Variants in LRRC9 observed in about 807,000 individuals in gnomAD.
LRRC9 encodes leucine-rich repeat-containing protein 9.
LRRC9 carries 122 observed loss-of-function variants against 63.2 expected under a neutral mutation model. The observed-to-expected ratio is 1.93, with a 90% CI of 1.67 to 2.24. The LOEUF is 2.24. Among genes scored for constraint, LRRC9 ranks in the 30% most tolerant of loss-of-function variants. LRRC9 has a pLI of 0.00. For synonymous variants in LRRC9, 366 were observed against 213.1 expected, an observed-to-expected ratio of 1.72 and a Z score of -6.25; for missense variants, 1,071 against 627.7, an observed-to-expected ratio of 1.71 and a Z score of -7.55.
intron 12 of LRRC9, among the ~76,000 whole-genome samples, chr14:59,972,950 A>G (rs1885688311): frequency 6.6e-6 from 1 of 152,070 alleles, no homozygotes; most frequent in Non-Finnish European, 1.5e-5. Flanking sequence ...TTATTATAAC[A>G]CATTTGTTTT....
At position 59,965,039 on chromosome 14, in the gene LRRC9, C is replaced by A. The variant is rs552782988; in HGVS notation, c.1212-1550C>A. On this transcript the variant is annotated intron_variant, in intron 10 of 31. Transcript: ENST00000445360. Reference sequence around the variant, plus strand: ...GACCTTAGCTCACACCCATTTCAGACCCTGGTTGATTATGTAGGTGAGGAC... The same window carrying A: ...GACCTTAGCTCACACCCATTTCAGAACCTGGTTGATTATGTAGGTGAGGAC... Among the ~76,000 whole-genome samples the A allele has an allele frequency of 1.7e-4, 26 of 152,296 alleles. 1 individual carries two copies. In the South Asian group the frequency reaches 4.6e-3, roughly 27 times the overall value.
intron 15 of LRRC9, 44 bp from the exon 16 acceptor site, chr14:59,981,804 A>C: frequency 1.5e-6 from 1 of 657,358 alleles, no homozygotes. Context: ...TCAAAATGAT[A>C]AATACAGCAA....
At chr14:60,021,691 A>G (rs781537276) in intron 26 of LRRC9, among the ~76,000 whole-genome samples, 8 of 151,812 alleles carry the variant, frequency 5.3e-5, no homozygotes, top group Non-Finnish European at 1.2e-4. Context: ...GTCTAAATCT[A>G]TTTTTGTATG....
At chr14:60,063,461 T>TA in exon 32 of LRRC9, 1 of 648,034 alleles carries the variant, frequency 1.5e-6, no homozygotes, top group Non-Finnish European at 2.7e-6. Context: ...AAAAAAAAGA[T>TA]AATCATGTTA....
rs1012539109 is a variant in LRRC9, at chr14:60,058,465, C to T, written c.4276+443C>T. On this transcript the variant is annotated intron_variant, in intron 31 of 31. Coordinates refer to ENST00000445360, the Ensembl canonical transcript of LRRC9. This position sits in a 1 kb window ranked among gnomAD's most constrained non-coding sequence, Gnocchi z 4.4. ...ATATTCTGCAGAGATATCTCACTTT[C>T]CCCTTGAAATCATAAGAAAATATTC... Among the ~76,000 whole-genome samples the T allele has an allele frequency of 6.6e-6, 1 of 152,064 alleles. No individual in the cohort carries two copies. Among genetic ancestry groups the T allele is most frequent in the African/African-American group, 2.4e-5 (1 of 41,382 alleles).
intron 23 of LRRC9, among the ~76,000 whole-genome samples, chr14:60,015,551 T>C (rs961920665): frequency 7.2e-5 from 11 of 152,178 alleles, no homozygotes; most frequent in African/African-American, 1.4e-4. Context: ...AGGCTAGAGT[T>C]GGAGTTCATG....
rs1386290844 is a variant in LRRC9, at chr14:59,966,377, G to C, written c.1212-212G>C. Among the ~76,000 whole-genome samples the C allele has an allele frequency of 2.0e-5, 3 of 152,186 alleles. No individual in the cohort carries two copies. The highest frequency in any genetic ancestry group is 7.2e-5 in the African/African-American group (3 of 41,444). On this transcript the variant is annotated intron_variant, in intron 10 of 31. Transcript: ENST00000445360. The surrounding 1 kb of genome is among the most constrained non-coding windows in gnomAD (Gnocchi z 4.0). ...TCCCTGAAGCTAAGAAAGTGTTTCA[G>C]AAAGTGAAGATTGCTCAACCAACCT...
intron 12 of LRRC9, among the ~76,000 whole-genome samples, chr14:59,969,700 C>T (rs1250516601): frequency 1.3e-5 from 2 of 152,126 alleles, no homozygotes; most frequent in African/African-American, 4.8e-5. Context: ...CTCTTTCTAT[C>T]AATTCAGGAT....
At chr14:59,977,186 A>C (rs981321997) in intron 13 of LRRC9, 39 bp from the exon 14 acceptor site, 3 of 649,638 alleles carry the variant, frequency 4.6e-6, no homozygotes, top group Non-Finnish European at 8.2e-6. Context: ...TATTAAAGTT[A>C]ATTATTCTTA....
intron 17 of LRRC9, among the ~76,000 whole-genome samples, chr14:59,996,088 C>T (rs553486614): frequency 6.6e-6 from 1 of 152,248 alleles, no homozygotes; most frequent in South Asian, 2.1e-4. Context: ...TGCTGGTCTA[C>T]AGGCAGGTGC....
intron 23 of LRRC9, among the ~76,000 whole-genome samples, chr14:60,016,420 C>T (rs1004792631): frequency 2.0e-5 from 3 of 151,996 alleles, no homozygotes; most frequent in Admixed American, 2.0e-4. Flanking sequence ...TGCCCAGCCT[C>T]ATCTTGAACT....
intron 15 of LRRC9, among the ~76,000 whole-genome samples, chr14:59,980,363 C>A (rs1484934684): frequency 6.6e-6 from 1 of 152,130 alleles, no homozygotes; most frequent in African/African-American, 2.4e-5. Flanking sequence ...AATTTTGGAT[C>A]ACTATCATAT....
Position 59,920,490 on chromosome 14 carries a change from A to C in LRRC9, c.-34+607A>C, listed in dbSNP as rs182177478. 3.9e-4 allele frequency among the ~76,000 whole-genome samples: 60 copies of C among 152,312 alleles called. 1 individual carries two copies. The highest frequency in any genetic ancestry group is 1.3e-3 in the African/African-American group (54 of 41,562). ...TACCAGAACAAAGTTCAAGAGAAGGAAAGGGAGGGTGGCCTACAGCCAACT... is the reference window on the plus strand; with the variant it reads ...TACCAGAACAAAGTTCAAGAGAAGGCAAGGGAGGGTGGCCTACAGCCAACT... On this transcript the variant is annotated intron_variant, in intron 1 of 31. Transcript: ENST00000445360.
intron 8 of LRRC9, among the ~76,000 whole-genome samples, chr14:59,957,981 C>T (rs1406798751): frequency 6.6e-6 from 1 of 152,222 alleles, no homozygotes; most frequent in East Asian, 1.9e-4. Context: ...AAGATTGCTG[C>T]CTGCTCCTTC....
chr14:60,063,601 T>C (rs907419878), downstream of LRRC9: 15 of 426,404 alleles, frequency 3.5e-5, no homozygotes. Flanking sequence ...TTCTATATCA[T>C]AAAAATCATC....
At chr14:59,926,870 A>G (rs889466367) in intron 1 of LRRC9, among the ~76,000 whole-genome samples, 1 of 152,170 alleles carries the variant, frequency 6.6e-6, no homozygotes, top group Non-Finnish European at 1.5e-5. Context: ...TCAGAGAAGC[A>G]CTATTTAACC....
chr14:59,989,179 G>A (rs542336835), intron 17 of LRRC9, among the ~76,000 whole-genome samples: 5 of 151,902 alleles, frequency 3.3e-5, no homozygotes, highest in African/African-American at 9.6e-5. Context: ...CTTCCAATAT[G>A]TAGTTTAAAA....
At chr14:59,969,994 C>T (rs1366251689) in intron 12 of LRRC9, among the ~76,000 whole-genome samples, 2 of 152,062 alleles carry the variant, frequency 1.3e-5, no homozygotes, top group Admixed American at 1.3e-4. Context: ...TTCAGGGTTA[C>T]ATGTGTAGGT....
At chr14:60,062,268 T>C (rs1894701843) in intron 31 of LRRC9, 89 bp downstream of exon 32, 2 of 396,146 alleles carry the variant, frequency 5.0e-6, no homozygotes, top group South Asian at 2.8e-4. Flanking sequence ...ACAGGAAATA[T>C]TGTTATGTAC....
Sources: gnomAD v4.1 joint callset for allele counts (sites outside exome capture counted in the v4.1 genomes callset) on GRCh38, gnomAD v4.1.1 for gene constraint, Gnocchi (gnomAD v3.1) non-coding constraint, MANE v1.5 for transcripts, NCBI Gene and HGNC (gene_info 2026-07-23, HGNC 2026-07-21) for gene names.